Variants in AFG2A observed in about 807,000 individuals in gnomAD.
The protein encoded by AFG2A is AAA ATPase AFG2A, also known as ATPase family gene 2 protein homolog A.
chr4:123,275,188 C>A, the AFG2A span, among the ~76,000 whole-genome samples: 3 of 152,256 alleles, frequency 2.0e-5, no homozygotes, highest in African/African-American at 7.2e-5. Flanking sequence ...CATACCATTT[C>A]TTTCCTTGAG....
chr4:123,212,875 G>C, the AFG2A span, among the ~76,000 whole-genome samples: 1 of 152,028 alleles, frequency 6.6e-6, no homozygotes, highest in African/African-American at 2.4e-5. Flanking sequence ...ATAAAAATCA[G>C]GATATTTAAA....
chr4:123,068,851 G>C, the AFG2A span, among the ~76,000 whole-genome samples: 1 of 152,112 alleles, frequency 6.6e-6, no homozygotes, highest in African/African-American at 2.4e-5. Context: ...TAAAATTTGA[G>C]ACTTGTAAAA....
chr4:123,276,209 GT>G, the AFG2A span, among the ~76,000 whole-genome samples: 1 of 152,040 alleles, frequency 6.6e-6, no homozygotes, highest in Non-Finnish European at 1.5e-5. Context: ...TCTCGTTGTG[GT>G]TTTGACTTGC....
the AFG2A span, among the ~76,000 whole-genome samples, chr4:123,129,827 C>T: frequency 6.6e-6 from 1 of 152,108 alleles, no homozygotes; most frequent in Non-Finnish European, 1.5e-5. Flanking sequence ...ACTTACATGT[C>T]TCAAAGGCAC....
chr4:123,308,311 C>G, the AFG2A span, among the ~76,000 whole-genome samples: 1 of 152,198 alleles, frequency 6.6e-6, no homozygotes, highest in Non-Finnish European at 1.5e-5. Flanking sequence ...TATTTACTTT[C>G]TCTTCATTCT....
the AFG2A span, among the ~76,000 whole-genome samples, chr4:123,258,857 ACTTTTTTTTTTTTT>A: frequency 2.3e-5 from 3 of 131,060 alleles, no homozygotes; most frequent in East Asian, 4.3e-4. Flanking sequence ...TGATACTGGT[ACTTTTTTTTTTTTT>A]TTTTTTTTTT....
the AFG2A span, among the ~76,000 whole-genome samples, chr4:123,104,736 A>G: frequency 6.6e-6 from 1 of 152,234 alleles, no homozygotes; most frequent in Non-Finnish European, 1.5e-5. Flanking sequence ...CAAACCAACT[A>G]CAGCATTCTC....
At chr4:123,052,346 C>T in the AFG2A span, among the ~76,000 whole-genome samples, 35 of 152,230 alleles carry the variant, frequency 2.3e-4, no homozygotes, top group East Asian at 1.9e-3. Context: ...ATTTCTGAAT[C>T]GATTCCGTCT....
the AFG2A span, among the ~76,000 whole-genome samples, chr4:123,263,552 T>G: frequency 3.3e-5 from 5 of 152,036 alleles, no homozygotes; most frequent in African/African-American, 9.7e-5. Flanking sequence ...AAAAATAAAT[T>G]GGGACTATTA....
At chr4:123,300,731 GTATTATCC>G in the AFG2A span, among the ~76,000 whole-genome samples, 4 of 143,250 alleles carry the variant, frequency 2.8e-5, no homozygotes, top group African/African-American at 1.0e-4. Context: ...ATTTTCAGTT[GTATTATCC>G]TATGTTTTTT....
the AFG2A span, chr4:123,315,358 T>TTA: frequency 7.0e-6 from 1 of 143,486 alleles, no homozygotes; most frequent in Admixed American, 6.9e-5. Context: ...TGGCTAATTT[T>TTA]TTTTTTTTTT....
At chr4:123,106,114 A>G in the AFG2A span, among the ~76,000 whole-genome samples, 2 of 152,120 alleles carry the variant, frequency 1.3e-5, no homozygotes, top group Non-Finnish European at 2.9e-5. Context: ...AGCAACTACC[A>G]CCCTGATCAG....
At chr4:122,966,227 T>C in the AFG2A span, among the ~76,000 whole-genome samples, 1 of 152,232 alleles carries the variant, frequency 6.6e-6, no homozygotes, top group East Asian at 1.9e-4. Flanking sequence ...GGAAAGAATC[T>C]GAAGGCCTGT....
At chr4:123,285,071 T>G in the AFG2A span, among the ~76,000 whole-genome samples, 1 of 152,112 alleles carries the variant, frequency 6.6e-6, no homozygotes, top group Non-Finnish European at 1.5e-5. Flanking sequence ...CTGCCTCTAC[T>G]TCCTCACTCA....
chr4:122,979,435 GAA>G, the AFG2A span: 1 of 1,560,942 alleles, frequency 6.4e-7, no homozygotes, highest in East Asian at 2.3e-5. Flanking sequence ...ATTAAACTCT[GAA>G]AAAAATTTAG....
the AFG2A span, among the ~76,000 whole-genome samples, chr4:123,310,455 T>TA: frequency 1.3e-5 from 2 of 152,374 alleles, no homozygotes; most frequent in South Asian, 4.1e-4. Context: ...TCCTTTCCCT[T>TA]ACCTGTATGC....
chr4:123,075,551 C>A, the AFG2A span, among the ~76,000 whole-genome samples: 1 of 152,016 alleles, frequency 6.6e-6, no homozygotes, highest in African/African-American at 2.4e-5. Flanking sequence ...CCACCTGCTT[C>A]GGCCTCGCAG....
the AFG2A span, among the ~76,000 whole-genome samples, chr4:122,938,546 G>A: frequency 1.3e-5 from 2 of 152,042 alleles, no homozygotes; most frequent in Non-Finnish European, 2.9e-5. Flanking sequence ...AGATCAGTAA[G>A]GAAGATTTAG....
At chr4:123,270,563 T>C in the AFG2A span, among the ~76,000 whole-genome samples, 45 of 152,336 alleles carry the variant, frequency 3.0e-4, no homozygotes, top group South Asian at 7.0e-3. Context: ...CATTTACTTA[T>C]TCTTTTTAGG....
Sources: gnomAD v4.1 joint callset for allele counts (sites outside exome capture counted in the v4.1 genomes callset) on GRCh38, gnomAD v4.1.1 for gene constraint, MANE v1.5 for transcripts, NCBI Gene and HGNC (gene_info 2026-07-23, HGNC 2026-07-21) for gene names.